Variants in MBNL1 observed in about 807,000 individuals in gnomAD.
MBNL1 encodes the protein muscleblind-like protein 1.
Under a neutral mutation model 42.2 loss-of-function variants are expected in MBNL1, and 8 were observed. That is an observed-to-expected ratio of 0.19 (90% confidence interval 0.11 to 0.34). MBNL1 has a LOEUF of 0.34. MBNL1 is among the 10% of genes least tolerant of loss of function. The pLI, the probability that MBNL1 is intolerant of heterozygous loss-of-function variation, is 1.00. For missense variants in MBNL1, 309 were observed against 495.3 expected (o/e 0.62, Z 3.57); for synonymous variants, 169 against 173.9 (o/e 0.97, Z 0.22).
At chr3:152,450,555 G>C (rs1432783789) in intron 6 of MBNL1, among the ~76,000 whole-genome samples, 1 of 152,174 alleles carries the variant, frequency 6.6e-6, no homozygotes, top group Admixed American at 6.5e-5. Context: ...GGGAGCACAG[G>C]CTCAGTCTAA....
chr3:152,278,222 A>G (rs2046398977), intron 1 of MBNL1, among the ~76,000 whole-genome samples: 1 of 152,102 alleles, frequency 6.6e-6, no homozygotes, highest in East Asian at 1.9e-4. Flanking sequence ...TTGAGCCATT[A>G]TTTGAACTTC....
At chr3:152,392,133 T>C (rs1223413049) in intron 2 of MBNL1, among the ~76,000 whole-genome samples, 2 of 152,078 alleles carry the variant, frequency 1.3e-5, no homozygotes, top group African/African-American at 4.8e-5. Context: ...TTATAAATAG[T>C]AAGTAGTGGC....
intron 1 of MBNL1, among the ~76,000 whole-genome samples, chr3:152,298,135 CA>C (rs749800316): frequency 7.9e-5 from 12 of 151,856 alleles, no homozygotes; most frequent in Non-Finnish European, 1.6e-4. Context: ...CTCTAGTTTC[CA>C]AAAATTATAA....
intron 2 of MBNL1, among the ~76,000 whole-genome samples, chr3:152,332,737 T>TGTGC (rs796512214): frequency 2.9e-5 from 3 of 104,650 alleles, no homozygotes; most frequent in Non-Finnish European, 4.2e-5. Context: ...TGTGTGTGTG[T>TGTGC]GTGCGCGCGC....
At chr3:152,325,596 TGTA>T (rs1192423698) in intron 2 of MBNL1, among the ~76,000 whole-genome samples, 1 of 152,176 alleles carries the variant, frequency 6.6e-6, no homozygotes, top group African/African-American at 2.4e-5. Flanking sequence ...TATATATTTT[TGTA>T]GTAGGTAAGT....
At chr3:152,367,993 GTT>G (rs139895999) in intron 2 of MBNL1, among the ~76,000 whole-genome samples, 114 of 149,808 alleles carry the variant, frequency 7.6e-4, no homozygotes, top group African/African-American at 2.6e-3. Context: ...ACTGATGATA[GTT>G]TTTTTTTTTG....
At chr3:152,372,394 T>G (rs1462765756) in intron 2 of MBNL1, among the ~76,000 whole-genome samples, 2 of 152,246 alleles carry the variant, frequency 1.3e-5, no homozygotes, top group African/African-American at 4.8e-5. Flanking sequence ...TTTGGAATTT[T>G]CAGCCTTCTT....
chr3:152,389,331 C>T (rs1002474695), intron 2 of MBNL1, among the ~76,000 whole-genome samples: 8 of 152,154 alleles, frequency 5.3e-5, no homozygotes, highest in South Asian at 2.1e-4. Context: ...TCAGGTGATC[C>T]ACCCACCTCA....
chr3:152,246,027 T>G (rs2032906364), intron 2 of MBNL1, among the ~76,000 whole-genome samples: 1 of 152,114 alleles, frequency 6.6e-6, no homozygotes, highest in Non-Finnish European at 1.5e-5. Flanking sequence ...AAGGCTGCAG[T>G]GAGCTGTGAT....
Position 152,445,328 on chromosome 3 carries a change from A to G in MBNL1, c.596A>G (p.Asp199Gly). 1.2e-6 allele frequency: 2 copies of G among 1,614,102 alleles called. No individual in the cohort carries two copies. The highest frequency in any genetic ancestry group is 1.7e-6 in the Non-Finnish European group (2 of 1,179,966). Residue 199 changes from aspartate (D) to glycine (G), a missense_variant, in exon 5 of 10, where the codon GAT becomes GGT. Transcript: ENST00000324210. ...QRGNCNRGEN[D>G]CRFAHPADST... ...GGCAATTGCAACCGAGGAGAAAATGATTGTCGGTTTGCTCATCCTGCTGAC... is the reference window on the plus strand; with the variant it reads ...GGCAATTGCAACCGAGGAGAAAATGGTTGTCGGTTTGCTCATCCTGCTGAC...
chr3:152,374,284 TG>T (rs1357679793), intron 2 of MBNL1, among the ~76,000 whole-genome samples: 3 of 152,328 alleles, frequency 2.0e-5, no homozygotes, highest in Admixed American at 1.3e-4. Flanking sequence ...GTGATTTTTG[TG>T]GGAGGTCAGA....
At chr3:152,253,065 A>T (rs1432707040) in intron 2 of MBNL1, among the ~76,000 whole-genome samples, 1 of 152,124 alleles carries the variant, frequency 6.6e-6, no homozygotes, top group African/African-American at 2.4e-5. Context: ...ACCCTAAATA[A>T]AAAACAAATT....
At chr3:152,306,447 A>G (rs1378273547) in intron 2 of MBNL1, among the ~76,000 whole-genome samples, 1 of 152,160 alleles carries the variant, frequency 6.6e-6, no homozygotes, top group Non-Finnish European at 1.5e-5. Context: ...CAGCCATCAT[A>G]TCCTTAGTCT....
rs112289329 is a variant in MBNL1 at position 152,350,596 on chromosome 3, C to T, written c.174+50229C>T. 8.0e-3 allele frequency among the ~76,000 whole-genome samples: 1,208 copies of T among 151,946 alleles called. 10 individuals carry two copies. Among genetic ancestry groups the T allele is most frequent in the Non-Finnish European group, 0.013 (850 of 67,956 alleles). On this transcript the variant is annotated intron_variant, in intron 2 of 9. Coordinates refer to ENST00000324210, the MANE Select transcript of MBNL1 (RefSeq NM_021038.5). ...GAGAGTGAAAGAATGAATGACAAAT[C>T]GCTAAAATAGGGAAATATCAGAGAA...
intron 1 of MBNL1, among the ~76,000 whole-genome samples, chr3:152,292,076 T>C (rs2151045745): frequency 6.6e-6 from 1 of 152,336 alleles, no homozygotes; most frequent in Admixed American, 6.5e-5. Context: ...TTGGGTGCTT[T>C]GGATGGTGGC....
chr3:152,428,696 A>C (rs1205410714), intron 3 of MBNL1, among the ~76,000 whole-genome samples: 1 of 152,210 alleles, frequency 6.6e-6, no homozygotes, highest in Non-Finnish European at 1.5e-5. Context: ...CTTTCAAAAA[A>C]TACTGCCACT....
intron 2 of MBNL1, among the ~76,000 whole-genome samples, chr3:152,380,950 A>G (rs895425435): frequency 1.3e-5 from 2 of 152,064 alleles, no homozygotes; most frequent in African/African-American, 4.8e-5. Context: ...GCAAGTTCTT[A>G]TACCTTAATA....
At chr3:152,390,435 A>G (rs2097660538) in intron 2 of MBNL1, among the ~76,000 whole-genome samples, 2 of 152,090 alleles carry the variant, frequency 1.3e-5, no homozygotes, top group African/African-American at 2.4e-5. Flanking sequence ...TATGATAACA[A>G]TGCCTTCTTC....
intron 2 of MBNL1, chr3:152,340,718 G>A: frequency 6.2e-7 from 1 of 1,614,030 alleles, no homozygotes; most frequent in Non-Finnish European, 8.5e-7. Flanking sequence ...GAACTCAAAT[G>A]TTCCTTTGGA....
Sources: gnomAD v4.1 joint callset for allele counts (sites outside exome capture counted in the v4.1 genomes callset) on GRCh38, gnomAD v4.1.1 for gene constraint, MANE v1.5 for transcripts, NCBI Gene and HGNC (gene_info 2026-07-23, HGNC 2026-07-21) for gene names.